PCDHGA10: variants seen among roughly 807,000 people sequenced by gnomAD.
The protein encoded by PCDHGA10 is protocadherin gamma-A10.
Under a neutral mutation model 59.5 loss-of-function variants are expected in PCDHGA10, and 42 were observed. That is an observed-to-expected ratio of 0.71 (90% CI 0.55 to 0.91). The LOEUF is 0.91. PCDHGA10 is among the 40% of genes least tolerant of loss of function. The pLI is 0.00. For synonymous variants in PCDHGA10, 511 were observed against 517.2 expected, an observed-to-expected ratio of 0.99 and a Z score of 0.16; for missense variants, 1,111 against 1,198.2, an observed-to-expected ratio of 0.93 and a Z score of 1.07.
intron 1 of PCDHGA10, among the ~76,000 whole-genome samples, chr5:141,454,268 G>A (rs2098785692): frequency 6.6e-6 from 1 of 152,126 alleles, no homozygotes; most frequent in African/African-American, 2.4e-5. Context: ...AGTAATGCCA[G>A]CAAAAACTTC....
chr5:141,477,262 C>A lies in PCDHGA10; in HGVS notation c.2437-17545C>A, dbSNP rs60063068. 1.2e-5 allele frequency: 19 copies of A among 1,614,020 alleles called. No homozygotes were observed. The East Asian group carries it at 4.2e-4, about 36-fold the overall frequency. On this transcript the variant is annotated intron_variant, in intron 1 of 3. Transcript: ENST00000398610. This position sits in a 1 kb window ranked among gnomAD's most constrained non-coding sequence, Gnocchi z 4.9. ...TCAGTGTGACTGACCTGGATGCTGG[C>A]GAGAACGGGCTGGTGACCTGCGAAG...
chr5:141,476,770 C>T lies in PCDHGA10; in HGVS notation c.2437-18037C>T, dbSNP rs1452363016. 6.2e-7 allele frequency: 1 copy of T among 1,613,568 alleles called. No homozygotes were observed. The highest frequency in any genetic ancestry group is 8.5e-7 in the Non-Finnish European group (1 of 1,180,020). ...TCCAGTTAGTGCTGACGGCGTTGGA[C>T]GGAGGGACCCCAGCTCTCTCCGCCA... On this transcript the variant is annotated intron_variant, in intron 1 of 3. Coordinates refer to ENST00000398610, the MANE Select transcript of PCDHGA10 (RefSeq NM_018913.3). This position sits in a 1 kb window ranked among gnomAD's most constrained non-coding sequence, Gnocchi z 7.6.
chr5:141,483,588 A>G (rs2099583207), intron 1 of PCDHGA10, among the ~76,000 whole-genome samples: 1 of 152,112 alleles, frequency 6.6e-6, no homozygotes, highest in African/African-American at 2.4e-5. Flanking sequence ...AACACCTAAT[A>G]GGTCAGGCTG....
Position 141,432,253 on chromosome 5 carries a change from G to A in PCDHGA10, c.2436+16642G>A, listed in dbSNP as rs1193159615. ...CCCTGGCTGAGAACACCATCCAAGGGGCAAGCCTATCGTCCTACGTGTCCA... is the reference window on the plus strand; with the variant it reads ...CCCTGGCTGAGAACACCATCCAAGGAGCAAGCCTATCGTCCTACGTGTCCA... On this transcript the variant is annotated intron_variant, in intron 1 of 3. Coordinates refer to ENST00000398610, the MANE Select transcript of PCDHGA10 (RefSeq NM_018913.3). The surrounding 1 kb of genome is among the most constrained non-coding windows in gnomAD (Gnocchi z 6.0). 2.5e-6 allele frequency: 4 copies of A among 1,614,086 alleles called. No individual in the cohort carries two copies. Among genetic ancestry groups the A allele is most frequent in the Non-Finnish European group, 3.4e-6 (4 of 1,180,046 alleles).
Position 141,486,534 on chromosome 5 carries a change from C to G in PCDHGA10, c.2437-8273C>G. The stretch of plus-strand genomic sequence containing the variant: ...TCAGATGTGAATGATAATCCACCCT[C>G]TTTCTTTCAGAGGTCACATGAGGTG... On this transcript the variant is annotated intron_variant, in intron 1 of 3. Transcript: ENST00000398610. The surrounding 1 kb of genome is among the most constrained non-coding windows in gnomAD (Gnocchi z 5.0). 1 of 1,614,176 alleles carries G rather than the reference C, an allele frequency of 6.2e-7. No individual in the cohort carries two copies. Among genetic ancestry groups the G allele is most frequent in the Non-Finnish European group, 8.5e-7 (1 of 1,180,030 alleles).
chr5:141,485,118 G>C lies in PCDHGA10; in HGVS notation c.2437-9689G>C, dbSNP rs547390669. 1 of 1,331,536 alleles carries C rather than the reference G, an allele frequency of 7.5e-7. No homozygotes were observed. Among genetic ancestry groups the C allele is most frequent in the East Asian group, 2.3e-5 (1 of 43,534 alleles). The allele number at this position is 1,331,536 out of a possible 1,614,324, so 82.5% of individuals were successfully genotyped here. On this transcript the variant is annotated intron_variant, in intron 1 of 3. Coordinates refer to ENST00000398610, the MANE Select transcript of PCDHGA10 (RefSeq NM_018913.3). The surrounding 1 kb of genome is among the most constrained non-coding windows in gnomAD (Gnocchi z 5.7). ...TCTCCAGCTGCTGTGGCTGTTTGGG[G>C]CGGGTCGGCTTCATCCGCGTCTCAG...
Position 141,511,072 on chromosome 5 carries a change from A to C in PCDHGA10, c.2710A>C (p.Ser904Arg). The C allele has an allele frequency of 6.2e-7, 1 of 1,614,252 alleles. No individual in the cohort carries two copies. Among genetic ancestry groups the C allele is most frequent in the Non-Finnish European group, 8.5e-7 (1 of 1,180,034 alleles). Residue 904 changes from serine to arginine, a missense_variant, in exon 4 of 4, where the codon AGC (serine) becomes CGC (arginine). Ser to Arg is a moderately radical substitution (Grantham distance 110). Coordinates refer to ENST00000398610, the MANE Select transcript of PCDHGA10 (RefSeq NM_018913.3). ...CCGCCAGAATGTCTACATCCCAGGC[A>C]GCAATGCCACACTGACCAACGCAGC... ...DYRQNVYIPG[S>R]NATLTNAAGK...
chr5:141,427,028 C>T (rs960885416), intron 1 of PCDHGA10: 12 of 456,928 alleles, frequency 2.6e-5, no homozygotes, highest in Admixed American at 2.1e-4. Flanking sequence ...ACAAAGTCAG[C>T]CTTAGAGAGA....
In PCDHGA10 at chr5:141,419,316, G is replaced by A. The variant is rs775328616; in HGVS notation, c.2436+3705G>A. 1.1e-5 allele frequency: 18 copies of A among 1,613,994 alleles called. No individual in the cohort carries two copies. In the South Asian group the frequency reaches 1.8e-4, roughly 16 times the overall value. On this transcript the variant is annotated intron_variant, in intron 1 of 3. Coordinates refer to ENST00000398610, the MANE Select transcript of PCDHGA10 (RefSeq NM_018913.3). ...GACCCAGACTTCGGGCTCAACGGCC[G>A]TGTCTCCTACTCTCTCATTGCCAGC...
chr5:141,440,008 C>G, intron 1 of PCDHGA10: 1 of 153,238 alleles, frequency 6.5e-6, no homozygotes. Context: ...GAAACCTTGC[C>G]AAGGATCTGG....
intron 1 of PCDHGA10, among the ~76,000 whole-genome samples, chr5:141,429,890 C>A (rs2097251428): frequency 6.6e-6 from 1 of 152,112 alleles, no homozygotes; most frequent in African/African-American, 2.4e-5. Context: ...GTTTCCTGAA[C>A]AATAAATATT....
chr5:141,454,880 T>C (rs1561957456), intron 1 of PCDHGA10, among the ~76,000 whole-genome samples: 1 of 137,862 alleles, frequency 7.3e-6, no homozygotes, highest in Non-Finnish European at 1.5e-5. Flanking sequence ...CGATCTTGGC[T>C]CACTGCTAGC....
At chr5:141,433,360 T>C (rs1313053553) in intron 1 of PCDHGA10, 46 of 298,056 alleles carry the variant, frequency 1.5e-4, no homozygotes, top group Non-Finnish European at 2.5e-4. Context: ...ACTGTCTGCC[T>C]ATCTATCTAT....
chr5:141,469,553 G>A (rs989713451), intron 1 of PCDHGA10, among the ~76,000 whole-genome samples: 2 of 152,086 alleles, frequency 1.3e-5, no homozygotes, highest in African/African-American at 2.4e-5. Flanking sequence ...CCAGCCTGGC[G>A]ACAGAGTGAG....
At position 141,476,638 on chromosome 5, in the gene PCDHGA10, G is replaced by A. The variant is rs997136356; in HGVS notation, c.2437-18169G>A. On this transcript the variant is annotated intron_variant, in intron 1 of 3. Transcript: ENST00000398610. This position sits in a 1 kb window ranked among gnomAD's most constrained non-coding sequence, Gnocchi z 7.6. ...GCAACTCTTTACAAACCTATGAGCT[G>A]AGCCGAAATGAATACTTTGCGCTTC... 1.9e-6 allele frequency: 3 copies of A among 1,614,268 alleles called. No homozygotes were observed. Among genetic ancestry groups the A allele is most frequent in the Middle Eastern group, 1.6e-4 (1 of 6,062 alleles).
At chr5:141,480,591 T>G (rs557048485) in intron 1 of PCDHGA10, among the ~76,000 whole-genome samples, 1 of 138,080 alleles carries the variant, frequency 7.2e-6, no homozygotes, top group South Asian at 2.2e-4. Flanking sequence ...GCCGCTCTTC[T>G]GGTCAGCCTG....
chr5:141,498,531 G>A (rs1384404653), intron 2 of PCDHGA10, among the ~76,000 whole-genome samples: 3 of 148,544 alleles, frequency 2.0e-5, no homozygotes, highest in Non-Finnish European at 4.4e-5. Context: ...CTGCCCTCCA[G>A]CCTGGTCTGG....
chr5:141,428,443 G>T (rs1004000862), intron 1 of PCDHGA10: 5 of 383,870 alleles, frequency 1.3e-5, no homozygotes, highest in Non-Finnish European at 2.0e-5. Context: ...TAGACCAGGG[G>T]TTTTTCCCAA....
chr5:141,427,103 G>A (rs1216465844), intron 1 of PCDHGA10: 3 of 457,888 alleles, frequency 6.6e-6, no homozygotes, highest in Non-Finnish European at 1.3e-5. Flanking sequence ...GTGTCAATGC[G>A]GAGATCACCT....
Sources: allele counts gnomAD v4.1 joint callset (sites outside exome capture counted in the v4.1 genomes callset), GRCh38; gene constraint gnomAD v4.1.1; non-coding constraint Gnocchi (gnomAD v3.1); transcripts MANE v1.5; gene names NCBI Gene and HGNC (gene_info 2026-07-23, HGNC 2026-07-21).